Variants in HDAC5 observed in about 807,000 individuals in gnomAD.
HDAC5 encodes the protein histone deacetylase 5, also known as antigen NY-CO-9.
A neutral mutation model predicts 133.3 loss-of-function variants in HDAC5; 25 were observed. The observed-to-expected ratio is 0.19, with a 90% CI of 0.14 to 0.26. The LOEUF (loss-of-function observed/expected upper bound fraction) is 0.26, where lower values mean the gene tolerates loss of function less well. Ranked by LOEUF, HDAC5 falls within the 10% of genes least tolerant of loss-of-function variation. HDAC5 has a pLI of 1.00. For synonymous variants in HDAC5, 589 were observed against 610.8 expected, an observed-to-expected ratio of 0.96 and a Z score of 0.53; for missense variants, 1,041 against 1,460.5, an observed-to-expected ratio of 0.71 and a Z score of 4.68.
At position 44,077,110 on chromosome 17, in the gene HDAC5, G is replaced by A. The variant is rs945418054; in HGVS notation, c.*1266C>T. On this transcript the variant is annotated 3_prime_UTR_variant, in exon 27 of 27. Coordinates refer to ENST00000682912, the MANE Select transcript of HDAC5 (RefSeq NM_005474.5). Reference sequence around the variant, plus strand: ...GATTGGTGGGGCCCTGGAGATAGAAGGAGAGAAAGTATATGTGGTACTGGG... The same window carrying A: ...GATTGGTGGGGCCCTGGAGATAGAAAGAGAGAAAGTATATGTGGTACTGGG... 2 of 152,766 alleles carry A rather than the reference G, an allele frequency of 1.3e-5. No individual in the cohort carries two copies. Among genetic ancestry groups the A allele is most frequent in the African/African-American group, 4.8e-5 (2 of 41,436 alleles). 9.5% of individuals were successfully genotyped at this position (152,766 alleles called of 1,614,324 possible).
intron 14 of HDAC5, among the ~76,000 whole-genome samples, 189 bp downstream of exon 14, chr17:44,086,383 G>A (rs1268671056): frequency 6.6e-6 from 1 of 152,212 alleles, no homozygotes; most frequent in Non-Finnish European, 1.5e-5. Context: ...CCACTCTCCC[G>A]GCTGAGGCAG....
chr17:44,088,692 CAT>C, intron 11 of HDAC5, 94 bp from the exon 12 acceptor site: 1 of 1,500,562 alleles, frequency 6.7e-7, no homozygotes, highest in Non-Finnish European at 9.0e-7. Flanking sequence ...CCCCCTCTGG[CAT>C]ATCACCACCT....
At chr17:44,086,793 G>A (rs923727946) in intron 13 of HDAC5, 56 bp from the exon 14 acceptor site, 3 of 1,238,748 alleles carry the variant, frequency 2.4e-6, no homozygotes, top group Non-Finnish European at 3.1e-6. Flanking sequence ...CAGGGGTGAG[G>A]GCAGGCCCTG....
intron 3 of HDAC5, among the ~76,000 whole-genome samples, chr17:44,096,775 CTTTT>C (rs1001009499): frequency 6.7e-6 from 1 of 148,876 alleles, no homozygotes; most frequent in African/African-American, 2.5e-5. Context: ...TGCCCCTGGC[CTTTT>C]TTTTAGATGG....
chr17:44,082,791 T>C lies in HDAC5; in HGVS notation c.2493A>G (p.Gly831=). The C allele has an allele frequency of 6.4e-7, 1 of 1,561,544 alleles. No homozygotes were observed. The highest frequency in any genetic ancestry group is 1.4e-5 in the African/African-American group (1 of 73,848). The change falls in exon 19 of 27, where the codon GGA becomes GGG. Residue 831 remains glycine (G), a synonymous_variant. Transcript: ENST00000682912. ...KNGFAIIRPP[G]HHAEESTAMG... ...TGGCTGTGGATTCCTCGGCGTGGTG[T>C]CCTGGGGGCCGGATGATGGCAAATC...
chr17:44,089,931 CAAAAAAAAA>C (rs386386141), intron 11 of HDAC5, among the ~76,000 whole-genome samples: 2 of 86,602 alleles, frequency 2.3e-5, no homozygotes, highest in Admixed American at 1.4e-4. Context: ...GATTCTGTCT[CAAAAAAAAA>C]AAAAAAAAAA....
rs1242741341 is a variant in HDAC5 at position 44,080,736 on chromosome 17, G to T, written c.2727+27C>A. The T allele has an allele frequency of 1.9e-6, 3 of 1,614,038 alleles. No individual in the cohort carries two copies. The East Asian group carries it at 6.7e-5, about 36-fold the overall frequency. On this transcript the variant is annotated intron_variant, in intron 21 of 26. Coordinates refer to ENST00000682912, the MANE Select transcript of HDAC5 (RefSeq NM_005474.5). ...GCCACCTCCCAGAGGGGCCAGGAGG[G>T]TCTGCATTTACGCCCAGGAGCTGTA...
chr17:44,083,533 G>GC lies in HDAC5; in HGVS notation c.2463+11dup. 6.2e-7 allele frequency: 1 copy of GC among 1,603,388 alleles called. No individual in the cohort carries two copies. Among genetic ancestry groups the GC allele is most frequent in the Non-Finnish European group, 8.5e-7 (1 of 1,172,208 alleles). Reference sequence around the variant, plus strand: ...ATGCCAAGGGGCACCGAGGTCACAAGCACACGCTCACCTTGAGCTCTCCTG... The same window carrying GC: ...ATGCCAAGGGGCACCGAGGTCACAAGCCACACGCTCACCTTGAGCTCTCCTG... On this transcript the variant is annotated intron_variant, in intron 18 of 26. Coordinates refer to ENST00000682912, the MANE Select transcript of HDAC5 (RefSeq NM_005474.5).
chr17:44,093,766 T>C lies in HDAC5; in HGVS notation c.163A>G (p.Ser55Gly). ...SMGGGGGGSP[S>G]PVELRGALVG... ...AGAGCCCCCCGTAGCTCCACAGGGC[T>C]GGGGCTGCCTCCACCCCCACCCCCC... Residue 55 changes from serine to glycine, a missense_variant, in exon 4 of 27, where the codon AGC becomes GGC. Physicochemically the swap from Ser to Gly is moderately conservative, Grantham distance 56 (BLOSUM62 0). Around this residue, in one of 9 missense-constraint regions of HDAC5, gnomAD observed 93 missense variants for 98.8 expected, o/e 0.94. Transcript: ENST00000682912. The C allele has an allele frequency of 6.3e-7, 1 of 1,584,902 alleles. No homozygotes were observed. Among genetic ancestry groups the C allele is most frequent in the Non-Finnish European group, 8.6e-7 (1 of 1,164,640 alleles).
intron 3 of HDAC5, among the ~76,000 whole-genome samples, chr17:44,107,817 A>G (rs1289748806): frequency 6.6e-6 from 1 of 152,080 alleles, no homozygotes; most frequent in Non-Finnish European, 1.5e-5. Context: ...ACCCCATGGC[A>G]CTTCCCAGTG....
At chr17:44,118,745 C>G (rs529562043) in intron 1 of HDAC5, among the ~76,000 whole-genome samples, 104 of 152,248 alleles carry the variant, frequency 6.8e-4, no homozygotes, top group Non-Finnish European at 1.2e-3. Context: ...CCAATGAAAG[C>G]AAGGTAGCAG....
chr17:44,116,677 C>T (rs937144532), intron 2 of HDAC5, among the ~76,000 whole-genome samples: 1 of 152,116 alleles, frequency 6.6e-6, no homozygotes, highest in Admixed American at 6.5e-5. Context: ...GAGACGACAG[C>T]CACTACTCTG....
chr17:44,083,088 T>C (rs891552584), intron 18 of HDAC5, among the ~76,000 whole-genome samples: 3 of 152,022 alleles, frequency 2.0e-5, no homozygotes, highest in African/African-American at 7.3e-5. Context: ...AGACAATCCT[T>C]CCACCTCAGT....
intron 9 of HDAC5, 121 bp downstream of exon 9, chr17:44,092,051 A>G (rs2050977298): frequency 1.0e-6 from 1 of 967,948 alleles, no homozygotes; most frequent in Non-Finnish European, 1.5e-6. Flanking sequence ...CAGCCTATTC[A>G]TGTGGGCAGA....
chr17:44,109,448 C>A (rs1396860808), intron 3 of HDAC5, among the ~76,000 whole-genome samples: 1 of 152,184 alleles, frequency 6.6e-6, no homozygotes, highest in Non-Finnish European at 1.5e-5. Context: ...AGGTTACACC[C>A]CCATCCCCAC....
chr17:44,088,290 C>T (rs528239226), intron 12 of HDAC5, 97 bp downstream of exon 12: 359 of 1,473,794 alleles, frequency 2.4e-4, no homozygotes, highest in Non-Finnish European at 3.0e-4. Context: ...CGCGAGCCAC[C>T]GTGTCTGGCC....
chr17:44,090,309 A>T (rs916865887), intron 11 of HDAC5, among the ~76,000 whole-genome samples: 32 of 152,324 alleles, frequency 2.1e-4, no homozygotes, highest in African/African-American at 7.0e-4. Flanking sequence ...ATAACTGCAT[A>T]TGTATTACCG....
At chr17:44,094,750 G>A (rs1296643578) in intron 3 of HDAC5, among the ~76,000 whole-genome samples, 3 of 30,944 alleles carry the variant, frequency 9.7e-5, no homozygotes, top group Non-Finnish European at 5.6e-4. Context: ...GTACGTATGT[G>A]TGTGTATATA....
At chr17:44,115,584 T>C (rs1460222083) in intron 2 of HDAC5, among the ~76,000 whole-genome samples, 1 of 151,858 alleles carries the variant, frequency 6.6e-6, no homozygotes, top group Admixed American at 6.6e-5. Context: ...AGGCTGACTA[T>C]CTCCCTGGCC....
Sources: gnomAD v4.1 joint callset for allele counts (sites outside exome capture counted in the v4.1 genomes callset) on GRCh38, gnomAD v4.1.1 for gene constraint, gnomAD v4.1.1 regional missense constraint, MANE v1.5 for transcripts, NCBI Gene and HGNC (gene_info 2026-07-23, HGNC 2026-07-21) for gene names.